IMMP2L: variants seen among roughly 807,000 people sequenced by gnomAD.
IMMP2L encodes inner mitochondrial membrane peptidase subunit 2, also known as mitochondrial inner membrane protease subunit 2.
Under a neutral mutation model 19.3 loss-of-function variants are expected in IMMP2L, and 18 were observed. The observed-to-expected ratio is 0.93, with a 90% CI of 0.64 to 1.38. The LOEUF (loss-of-function observed/expected upper bound fraction) is 1.38. IMMP2L is among the 40% of genes most tolerant of loss of function. The pLI, the probability that IMMP2L is intolerant of heterozygous loss-of-function variation, is 0.00. For synonymous variants in IMMP2L, 76 were observed against 73.0 expected (o/e 1.04, Z -0.21); for missense variants, 233 against 218.2 (o/e 1.07, Z -0.43).
intron 1 of IMMP2L, among the ~76,000 whole-genome samples, chr7:111,556,189 G>A (rs1791336863): frequency 6.6e-6 from 1 of 151,314 alleles, no homozygotes; most frequent in Admixed American, 6.6e-5. Context: ...GTAGGTCAAA[G>A]GACACAAAGT....
chr7:110,874,998 A>G (rs2129544243), intron 5 of IMMP2L, among the ~76,000 whole-genome samples: 1 of 152,204 alleles, frequency 6.6e-6, no homozygotes, highest in South Asian at 2.1e-4. Flanking sequence ...AATCCCAGCC[A>G]TGAGGGTGGA....
chr7:111,203,930 G>C (rs1810431871), intron 3 of IMMP2L, among the ~76,000 whole-genome samples: 1 of 152,068 alleles, frequency 6.6e-6, no homozygotes, highest in African/African-American at 2.4e-5. Flanking sequence ...CTTAGGAATA[G>C]TTTAAAATGG....
At chr7:111,004,185 A>G (rs1356507677) in intron 3 of IMMP2L, among the ~76,000 whole-genome samples, 1 of 152,028 alleles carries the variant, frequency 6.6e-6, no homozygotes, top group Non-Finnish European at 1.5e-5. Context: ...ATAATATCCT[A>G]ACTTCATAGG....
intron 3 of IMMP2L, among the ~76,000 whole-genome samples, chr7:111,087,400 G>C (rs1796439998): frequency 1.4e-5 from 2 of 148,116 alleles, no homozygotes; most frequent in African/African-American, 5.0e-5. Flanking sequence ...AGTGAGCCGA[G>C]ATCGTGCCAC....
intron 3 of IMMP2L, among the ~76,000 whole-genome samples, chr7:111,138,086 C>T (rs1802518804): frequency 6.6e-6 from 1 of 152,174 alleles, no homozygotes; most frequent in South Asian, 2.1e-4. Flanking sequence ...TCCCCTAGGC[C>T]TCCCAAAAGG....
intron 4 of IMMP2L, among the ~76,000 whole-genome samples, chr7:110,889,087 T>C (rs1320105203): frequency 4.6e-5 from 7 of 152,338 alleles, no homozygotes; most frequent in Admixed American, 2.0e-4. Flanking sequence ...TTTCTACCTC[T>C]ATTTGCCCAT....
intron 3 of IMMP2L, among the ~76,000 whole-genome samples, chr7:111,178,490 T>C (rs768152047): frequency 5.3e-5 from 8 of 152,066 alleles, no homozygotes; most frequent in Non-Finnish European, 8.8e-5. Flanking sequence ...CTTCCTTTCA[T>C]GAAAGATTTT....
intron 5 of IMMP2L, among the ~76,000 whole-genome samples, chr7:110,713,375 A>G (rs1259684875): frequency 1.3e-5 from 2 of 152,026 alleles, no homozygotes; most frequent in Non-Finnish European, 2.9e-5. Context: ...ACAGCTTGGG[A>G]TTGTTTTGGC....
intron 5 of IMMP2L, among the ~76,000 whole-genome samples, chr7:110,830,157 A>T (rs978825179): frequency 2.0e-5 from 3 of 152,156 alleles, no homozygotes; most frequent in African/African-American, 7.2e-5. Context: ...TAAAAAAGGA[A>T]TGATTTGTAG....
At chr7:110,926,155 A>G (rs900194989) in intron 4 of IMMP2L, among the ~76,000 whole-genome samples, 1 of 152,044 alleles carries the variant, frequency 6.6e-6, no homozygotes, top group Non-Finnish European at 1.5e-5. Context: ...TACAGTAAAA[A>G]GATTTAAATT....
At chr7:111,183,791 T>A (rs1476249279) in intron 3 of IMMP2L, among the ~76,000 whole-genome samples, 1 of 152,108 alleles carries the variant, frequency 6.6e-6, no homozygotes, top group Admixed American at 6.6e-5. Context: ...CAAGAAACTA[T>A]GAATCCCTGT....
At chr7:111,014,239 C>T (rs1290451385) in intron 3 of IMMP2L, among the ~76,000 whole-genome samples, 1 of 152,034 alleles carries the variant, frequency 6.6e-6, no homozygotes, top group Non-Finnish European at 1.5e-5. Context: ...CCTGTAATCA[C>T]AGCTACTCAG....
At chr7:110,775,964 T>TAAA (rs111907963) in intron 5 of IMMP2L, among the ~76,000 whole-genome samples, 109 of 150,432 alleles carry the variant, frequency 7.2e-4, no homozygotes, top group African/African-American at 2.6e-3. Context: ...TACACACATG[T>TAAA]AAAAAAAAAC....
At chr7:111,136,721 A>G (rs1802382744) in intron 3 of IMMP2L, among the ~76,000 whole-genome samples, 1 of 152,250 alleles carries the variant, frequency 6.6e-6, no homozygotes, top group Admixed American at 6.5e-5. Flanking sequence ...TAAACGGACA[A>G]AGATAATTCT....
intron 5 of IMMP2L, among the ~76,000 whole-genome samples, chr7:110,771,024 G>A (rs1043018174): frequency 7.9e-5 from 12 of 152,100 alleles, no homozygotes; most frequent in African/African-American, 2.7e-4. Context: ...CCCAAGGCCT[G>A]GGCAGGGGAC....
rs143120234 is a variant in IMMP2L, at chr7:111,261,790, C to T, written c.239+225448G>A. ...CAGAAACAAAATGCATTAAGACCTT[C>T]GGGGGAAAGACAAATATGTATAAGT... On this transcript the variant is annotated intron_variant, in intron 3 of 5. Transcript: ENST00000405709. Among the ~76,000 whole-genome samples, 10 of 152,084 alleles carry T rather than the reference C, an allele frequency of 6.6e-5. No individual in the cohort carries two copies. In the East Asian group the frequency reaches 9.7e-4, roughly 15 times the overall value.
chr7:111,147,038 C>G (rs1414578807), intron 3 of IMMP2L, among the ~76,000 whole-genome samples: 1 of 152,108 alleles, frequency 6.6e-6, no homozygotes, highest in Admixed American at 6.6e-5. Flanking sequence ...CTTTCACATT[C>G]ACACTTTAAT....
chr7:111,131,505 A>T lies in IMMP2L; in HGVS notation c.240-167940T>A, dbSNP rs10243966. Among the ~76,000 whole-genome samples the T allele has an allele frequency of 9.5e-3, 1,449 of 152,166 alleles. 22 individuals are homozygous for T. Among genetic ancestry groups the T allele is most frequent in the African/African-American group, 0.033 (1,376 of 41,566 alleles). On this transcript the variant is annotated intron_variant, in intron 3 of 5. Coordinates refer to ENST00000405709, the MANE Select transcript of IMMP2L (RefSeq NM_032549.4). Reference sequence around the variant, plus strand: ...GAAGGAAACATTCACTAAATTGTGAATATGTGCCAGATTAACAATTTGCTG... The same window carrying T: ...GAAGGAAACATTCACTAAATTGTGATTATGTGCCAGATTAACAATTTGCTG...
intron 3 of IMMP2L, among the ~76,000 whole-genome samples, chr7:111,276,515 G>A (rs1400634211): frequency 6.6e-6 from 1 of 151,882 alleles, no homozygotes; most frequent in African/African-American, 2.4e-5. Context: ...AGTTCCAAGA[G>A]GATTGGTATT....
Sources: allele counts gnomAD v4.1 joint callset (sites outside exome capture counted in the v4.1 genomes callset), GRCh38; gene constraint gnomAD v4.1.1; transcripts MANE v1.5; gene names NCBI Gene and HGNC (gene_info 2026-07-23, HGNC 2026-07-21).